The following IGSF21 variants were observed in gnomAD, a reference collection of about 807,000 sequenced individuals.
IGSF21 encodes the protein immunoglobin superfamily member 21.
IGSF21 carries 28 observed loss-of-function variants against 46.8 expected under a neutral mutation model. That is an observed-to-expected ratio of 0.60 (90% CI 0.44 to 0.82). IGSF21 has a LOEUF of 0.82. Ranked by LOEUF, IGSF21 falls within the 40% of genes least tolerant of loss-of-function variation. IGSF21 has a pLI of 0.00. For missense variants in IGSF21, 624 were observed against 665.5 expected (o/e 0.94, Z 0.69); for synonymous variants, 284 against 273.6 (o/e 1.04, Z -0.38).
chr1:18,190,764 T>C (rs1473600554), intron 1 of IGSF21, among the ~76,000 whole-genome samples: 1 of 152,120 alleles, frequency 6.6e-6, no homozygotes, highest in East Asian at 1.9e-4. Context: ...TATCGGGGAT[T>C]TGTGAGCTTG....
chr1:18,198,377 C>A (rs565815623), intron 1 of IGSF21, among the ~76,000 whole-genome samples: 1 of 152,178 alleles, frequency 6.6e-6, no homozygotes, highest in East Asian at 1.9e-4. Context: ...CCCACATGGG[C>A]CCGTAGGGTG....
intron 1 of IGSF21, among the ~76,000 whole-genome samples, chr1:18,163,258 G>A (rs2086644835): frequency 6.6e-6 from 1 of 152,114 alleles, no homozygotes; most frequent in Non-Finnish European, 1.5e-5. Flanking sequence ...AAGGCAATGT[G>A]GCAGGCCGGT....
intron 1 of IGSF21, among the ~76,000 whole-genome samples, chr1:18,224,878 G>A (rs1263670996): frequency 6.6e-6 from 1 of 151,586 alleles, no homozygotes; most frequent in African/African-American, 2.4e-5. Context: ...CACCCTGGCC[G>A]ACATGGTGAA....
At chr1:18,355,839 T>C (rs2124624441) in intron 4 of IGSF21, among the ~76,000 whole-genome samples, 1 of 148,086 alleles carries the variant, frequency 6.8e-6, no homozygotes, top group South Asian at 2.2e-4. Context: ...CTTTTTTTTT[T>C]TTTTTTTTTT....
chr1:18,206,492 C>T (rs543354327), intron 1 of IGSF21, among the ~76,000 whole-genome samples: 4 of 149,414 alleles, frequency 2.7e-5, no homozygotes, highest in South Asian at 2.1e-4. Flanking sequence ...AAGGCTGCGG[C>T]GAGCCATGAT....
chr1:18,372,732 AGATGGATGAATGGATG>A (rs1353647871), intron 6 of IGSF21, among the ~76,000 whole-genome samples: 3 of 140,394 alleles, frequency 2.1e-5, no homozygotes, highest in Non-Finnish European at 3.1e-5. Flanking sequence ...ATGAGTGTTT[AGATGGATGAATGGATG>A]GATGGATGAA....
chr1:18,192,478 C>T (rs962264), intron 1 of IGSF21, among the ~76,000 whole-genome samples: 89,182 of 152,190 alleles, frequency 0.59, 27,362 homozygotes, highest in South Asian at 0.72. Flanking sequence ...GCACAGTTAG[C>T]GCCATGTGGG....
chr1:18,180,359 C>T (rs1172260437), intron 1 of IGSF21, among the ~76,000 whole-genome samples: 2 of 152,152 alleles, frequency 1.3e-5, no homozygotes, highest in African/African-American at 4.8e-5. Context: ...CAGTTACAAC[C>T]ATCTTTGTGC....
chr1:18,302,109 ACTT>A (rs549176038), intron 3 of IGSF21, among the ~76,000 whole-genome samples: 127 of 150,816 alleles, frequency 8.4e-4, no homozygotes, highest in Middle Eastern at 6.8e-3. Flanking sequence ...TCAGGTTCCC[ACTT>A]CTTCTCTCCT....
chr1:18,133,191 A>C (rs2124418360), intron 1 of IGSF21, among the ~76,000 whole-genome samples: 1 of 152,336 alleles, frequency 6.6e-6, no homozygotes, highest in Non-Finnish European at 1.5e-5. Context: ...ATACCCATGC[A>C]CTGAGGCTGG....
chr1:18,156,971 A>G (rs1257938236), intron 1 of IGSF21, among the ~76,000 whole-genome samples: 3 of 152,106 alleles, frequency 2.0e-5, no homozygotes, highest in Non-Finnish European at 4.4e-5. Flanking sequence ...TAAAAATGCA[A>G]ACATTAGCCA....
At chr1:18,251,964 T>A (rs2084845716) in intron 2 of IGSF21, among the ~76,000 whole-genome samples, 1 of 151,682 alleles carries the variant, frequency 6.6e-6, no homozygotes, top group Non-Finnish European at 1.5e-5. Context: ...AATCTTTCTT[T>A]ACAAGATGAA....
At chr1:18,300,325 A>G (rs997874343) in intron 3 of IGSF21, among the ~76,000 whole-genome samples, 1 of 152,208 alleles carries the variant, frequency 6.6e-6, no homozygotes, top group African/African-American at 2.4e-5. Context: ...ACACAATCCC[A>G]TCCACCTGCT....
chr1:18,153,185 T>A (rs1349618233), intron 1 of IGSF21, among the ~76,000 whole-genome samples: 1 of 152,142 alleles, frequency 6.6e-6, no homozygotes, highest in African/African-American at 2.4e-5. Flanking sequence ...GAACAGGCAG[T>A]GGGTGGTAGG....
chr1:18,336,519 C>T (rs1447456605), intron 4 of IGSF21, among the ~76,000 whole-genome samples: 2 of 152,210 alleles, frequency 1.3e-5, no homozygotes, highest in Non-Finnish European at 2.9e-5. Context: ...TCAGGCAGCT[C>T]AGTGTTGGGC....
intron 2 of IGSF21, among the ~76,000 whole-genome samples, chr1:18,249,286 G>A (rs1569628279): frequency 6.6e-6 from 1 of 152,150 alleles, no homozygotes; most frequent in Admixed American, 6.5e-5. Context: ...ACAGGGCAAG[G>A]GCTCCAGGTT....
At chr1:18,318,465 C>CGTGCGT (rs1553163222) in intron 3 of IGSF21, among the ~76,000 whole-genome samples, 3 of 148,704 alleles carry the variant, frequency 2.0e-5, no homozygotes, top group East Asian at 2.0e-4. Context: ...TGCGTGCGTG[C>CGTGCGT]GTGTGTGTGT....
At chr1:18,147,239 G>A (rs568331030) in intron 1 of IGSF21, among the ~76,000 whole-genome samples, 6 of 152,222 alleles carry the variant, frequency 3.9e-5, no homozygotes, top group East Asian at 1.9e-4. Flanking sequence ...CTGCCATCGT[G>A]CTTGACATCA....
At chr1:18,331,572 C>T (rs1324519320) in intron 3 of IGSF21, among the ~76,000 whole-genome samples, 3 of 152,176 alleles carry the variant, frequency 2.0e-5, no homozygotes, top group Non-Finnish European at 4.4e-5. Context: ...TATAAACATG[C>T]GTGTGCAAGT....
Sources: allele counts gnomAD v4.1 joint callset (sites outside exome capture counted in the v4.1 genomes callset), GRCh38; gene constraint gnomAD v4.1.1; transcripts MANE v1.5; gene names NCBI Gene and HGNC (gene_info 2026-07-23, HGNC 2026-07-21).